Variants in OLA1 observed in about 807,000 individuals in gnomAD.
OLA1 encodes the protein Obg like ATPase 1.
In OLA1, 14 loss-of-function variants were observed where a neutral mutation model predicts 48.4. The observed-to-expected ratio is 0.29, with a 90% CI of 0.19 to 0.45. The LOEUF (loss-of-function observed/expected upper bound fraction) is 0.45. Among genes scored for constraint, OLA1 ranks in the 20% least tolerant of loss-of-function variants. The pLI is 1.00. For missense variants in OLA1, 325 were observed against 467.1 expected, an observed-to-expected ratio of 0.70 and a Z score of 2.80; for synonymous variants, 127 against 150.4, an observed-to-expected ratio of 0.84 and a Z score of 1.14.
Position 174,141,890 on chromosome 2 carries a change from G to C in OLA1, c.484C>G (p.Pro162Ala). ...LQLKDEEMIG[P>A]IIDKLEKVAV... ...ACCTTTTCTAGTTTATCTATAATGG[G>C]CCCAATCATTTCCTCATCTTTAAGC... is the stretch of plus-strand genomic sequence containing the variant. Residue 162 changes from proline to alanine, a missense_variant, in exon 5 of 11, where the codon CCC (proline) becomes GCC (alanine). Physicochemically the swap from Pro to Ala is conservative, Grantham distance 27. Coordinates refer to ENST00000284719, the MANE Select transcript of OLA1 (RefSeq NM_013341.5). The C allele has an allele frequency of 6.2e-7, 1 of 1,611,704 alleles. No homozygotes were observed. The highest frequency in any genetic ancestry group is 8.5e-7 in the Non-Finnish European group (1 of 1,179,486).
rs1553485217 is a variant in OLA1 at position 174,164,348 on chromosome 2, A to AATACCATTCTGCATATTGCAGAATGG, written c.374-22349_374-22348insCCATTCTGCAATATGCAGAATGGTAT. On this transcript the variant is annotated intron_variant, in intron 4 of 10. Coordinates refer to ENST00000284719, the MANE Select transcript of OLA1 (RefSeq NM_013341.5). ...TAGAAGGTTAGAGTTGGCACTACGCAATACCATTCTGCATAGTGCAGAATG... is the reference window on the plus strand; with the variant it reads ...TAGAAGGTTAGAGTTGGCACTACGCAATACCATTCTGCATATTGCAGAATGGATACCATTCTGCATAGTGCAGAATG... Among the ~76,000 whole-genome samples the AATACCATTCTGCATATTGCAGAATGG allele has an allele frequency of 6.4e-5, 8 of 124,126 alleles. No individual in the cohort carries two copies. The East Asian group carries it at 1.5e-3, about 24-fold the overall frequency. 81.4% of individuals were successfully genotyped at this position (124,126 alleles called of 152,430 possible).
At chr2:174,152,306 G>T (rs1686765521) in intron 4 of OLA1, among the ~76,000 whole-genome samples, 1 of 152,154 alleles carries the variant, frequency 6.6e-6, no homozygotes, top group African/African-American at 2.4e-5. Flanking sequence ...GGAGGCTGAG[G>T]CAGGAGAATT....
chr2:174,159,118 A>G (rs1686954033), intron 4 of OLA1, among the ~76,000 whole-genome samples: 2 of 152,148 alleles, frequency 1.3e-5, no homozygotes, highest in African/African-American at 4.8e-5. Context: ...TCTTTTTTCA[A>G]AAGGTACTCA....
At chr2:174,187,338 C>T (rs1687678595) in intron 4 of OLA1, among the ~76,000 whole-genome samples, 1 of 152,100 alleles carries the variant, frequency 6.6e-6, no homozygotes, top group Non-Finnish European at 1.5e-5. Flanking sequence ...TAAGACAGTT[C>T]CTAAGGAATT....
chr2:174,111,663 T>C (rs946491585), intron 7 of OLA1, among the ~76,000 whole-genome samples: 5 of 152,196 alleles, frequency 3.3e-5, no homozygotes, highest in Non-Finnish European at 4.4e-5. Flanking sequence ...CAGAACATTA[T>C]ACAAAACATC....
chr2:174,240,008 T>C (rs1688957570), intron 2 of OLA1: 1 of 152,192 alleles, frequency 6.6e-6, no homozygotes, highest in South Asian at 2.1e-4. Context: ...CTGATTTTGA[T>C]CATTGTATTA....
chr2:174,182,698 C>G (rs930019886), intron 4 of OLA1, among the ~76,000 whole-genome samples: 2 of 152,044 alleles, frequency 1.3e-5, no homozygotes, highest in Non-Finnish European at 2.9e-5. Flanking sequence ...TTTTGTTTCT[C>G]CCAAATAAAA....
At position 174,123,235 on chromosome 2, in the gene OLA1, T is replaced by C. The variant is rs775653813; in HGVS notation, c.673A>G (p.Met225Val). The stretch of plus-strand genomic sequence containing the variant: ...TCAGAAAGATTAACCAAGTAGACCA[T>C]TGGTTTTGAAGTCAAAAATAAGTGT... Reference protein sequence around the residue: ...NKHLFLTSKPMVYLVNLSEKD... With the variant: ...NKHLFLTSKPVVYLVNLSEKD... The change falls in exon 7 of 11, where the codon ATG (methionine) becomes GTG (valine). Residue 225 changes from methionine to valine, a missense_variant. By Grantham distance (21) the Met-to-Val change is conservative (BLOSUM62 1). Transcript: ENST00000284719. 8 of 1,573,092 alleles carry C rather than the reference T, an allele frequency of 5.1e-6. No individual in the cohort carries two copies. Among genetic ancestry groups the C allele is most frequent in the Admixed American group, 1.8e-5 (1 of 56,690 alleles).
chr2:174,181,360 G>A (rs971984030), intron 4 of OLA1, among the ~76,000 whole-genome samples: 2 of 152,176 alleles, frequency 1.3e-5, no homozygotes, highest in Admixed American at 1.3e-4. Context: ...TAGCTGGGGA[G>A]AGGAGGGAAT....
At chr2:174,199,902 T>C (rs1687955143) in intron 4 of OLA1, among the ~76,000 whole-genome samples, 1 of 152,138 alleles carries the variant, frequency 6.6e-6, no homozygotes, top group Non-Finnish European at 1.5e-5. Context: ...GTTTTCTTTA[T>C]ATACCTCAGC....
chr2:174,115,087 GA>G (rs925197757), intron 7 of OLA1, among the ~76,000 whole-genome samples: 1 of 149,684 alleles, frequency 6.7e-6, no homozygotes, highest in Non-Finnish European at 1.5e-5. Context: ...CCCTGTCTCT[GA>G]AAAAAAAAGA....
At chr2:174,147,845 A>G (rs1262505212) in intron 4 of OLA1, among the ~76,000 whole-genome samples, 1 of 151,574 alleles carries the variant, frequency 6.6e-6, no homozygotes, top group African/African-American at 2.4e-5. Flanking sequence ...TATTTTTGAG[A>G]CAGAGTCTTG....
chr2:174,153,156 A>C (rs887907800), intron 4 of OLA1, among the ~76,000 whole-genome samples: 5 of 152,200 alleles, frequency 3.3e-5, no homozygotes, highest in African/African-American at 1.2e-4. Flanking sequence ...AATGATTCCT[A>C]CAGGACTTTC....
At chr2:174,115,885 T>C (rs1223014892) in intron 7 of OLA1, among the ~76,000 whole-genome samples, 1 of 152,226 alleles carries the variant, frequency 6.6e-6, no homozygotes, top group Admixed American at 6.5e-5. Context: ...GTCTGTTTGT[T>C]GGATGTCTAT....
chr2:174,095,293 C>G (rs1424160920), intron 7 of OLA1, among the ~76,000 whole-genome samples: 1 of 143,702 alleles, frequency 7.0e-6, no homozygotes, highest in Non-Finnish European at 1.5e-5. Flanking sequence ...GTTCTAATTT[C>G]TCCACATCTT....
At chr2:174,248,080 T>C (rs1689168325) in intron 1 of OLA1, 1 of 246,492 alleles carries the variant, frequency 4.1e-6, no homozygotes, top group Non-Finnish European at 8.1e-6. Flanking sequence ...CACCTGTTCC[T>C]GGCCAACTCC....
chr2:174,209,671 G>T (rs1204079016), intron 4 of OLA1, among the ~76,000 whole-genome samples: 1 of 152,108 alleles, frequency 6.6e-6, no homozygotes, highest in African/African-American at 2.4e-5. Flanking sequence ...AGAAACTTGG[G>T]CTCTAAAGAA....
chr2:174,092,376 G>A (rs1333267392), intron 7 of OLA1, among the ~76,000 whole-genome samples: 1 of 151,956 alleles, frequency 6.6e-6, no homozygotes, highest in Non-Finnish European at 1.5e-5. Context: ...AGAACATTTA[G>A]GGCCAGGTAT....
At chr2:174,194,755 T>G (rs1183083982) in intron 4 of OLA1, among the ~76,000 whole-genome samples, 3 of 152,170 alleles carry the variant, frequency 2.0e-5, no homozygotes, top group African/African-American at 7.2e-5. Flanking sequence ...AAGAGCCAAT[T>G]TCTTCTTTCG....
Sources: gnomAD v4.1 joint callset for allele counts (sites outside exome capture counted in the v4.1 genomes callset) on GRCh38, gnomAD v4.1.1 for gene constraint, MANE v1.5 for transcripts, NCBI Gene and HGNC (gene_info 2026-07-23, HGNC 2026-07-21) for gene names.